Variants in PDE10A observed in about 807,000 individuals in gnomAD.
PDE10A encodes cAMP and cAMP-inhibited cGMP 3',5'-cyclic phosphodiesterase 10A.
PDE10A carries 39 observed loss-of-function variants against 97.7 expected under a neutral mutation model. That is an observed-to-expected ratio of 0.40 (90% CI 0.31 to 0.52). PDE10A has a LOEUF of 0.52. Ranked by LOEUF, PDE10A falls within the 20% of genes least tolerant of loss-of-function variation. The probability of loss-of-function intolerance (pLI) is 0.56; values close to 1 mark genes in which losing one functional copy is unlikely to be tolerated. For missense variants in PDE10A, 731 were observed against 1,047.8 expected (o/e 0.70, Z 4.17); for synonymous variants, 371 against 376.8 (o/e 0.98, Z 0.18).
At chr6:165,690,003 A>C (rs77773347) in intron 1 of PDE10A, among the ~76,000 whole-genome samples, 2,109 of 152,164 alleles carry the variant, frequency 0.014, 27 homozygotes, top group South Asian at 0.052. Context: ...TTAACAAGAC[A>C]TTTTTAATGC....
rs557825884 is a variant in PDE10A, at chr6:165,946,191, T to C, written c.-615+41338A>G. Among the ~76,000 whole-genome samples, 214 of 152,294 alleles carry C rather than the reference T, an allele frequency of 1.4e-3. 1 individual carries two copies. Among genetic ancestry groups the C allele is most frequent in the Non-Finnish European group, 1.7e-3 (114 of 68,028 alleles). ...GAGAGCTATTGCAAAACATAGTGAC[T>C]ATAGTTAATAAGAATATATTGTCGG... On this transcript the variant is annotated intron_variant, in intron 1 of 19. Coordinates refer to the PDE10A transcript ENST00000366882.
At chr6:165,404,329 T>C (rs705782) in intron 13 of PDE10A, among the ~76,000 whole-genome samples, 27,472 of 151,944 alleles carry the variant, frequency 0.18, 2,944 homozygotes, top group African/African-American at 0.29. Flanking sequence ...CCATGCAGGA[T>C]GAGACTTCCC....
chr6:165,924,323 A>G (rs1782857109), intron 1 of PDE10A, among the ~76,000 whole-genome samples: 1 of 152,092 alleles, frequency 6.6e-6, no homozygotes, highest in African/African-American at 2.4e-5. Context: ...CATGGTCTCC[A>G]TGTTGGATAG....
At chr6:165,713,511 C>T (rs995876876) in intron 1 of PDE10A, among the ~76,000 whole-genome samples, 5 of 152,198 alleles carry the variant, frequency 3.3e-5, no homozygotes, top group Non-Finnish European at 7.3e-5. Context: ...GGAACTACCC[C>T]ACAAGATGCT....
chr6:165,547,629 T>C (rs1783803735), intron 1 of PDE10A, among the ~76,000 whole-genome samples: 1 of 152,186 alleles, frequency 6.6e-6, no homozygotes, highest in Non-Finnish European at 1.5e-5. Context: ...GAATTAACTT[T>C]CTTTTCTTGC....
chr6:165,400,906 A>T (rs576056951), intron 13 of PDE10A, among the ~76,000 whole-genome samples: 2 of 152,352 alleles, frequency 1.3e-5, no homozygotes, highest in South Asian at 4.1e-4. Context: ...TTACGTACAC[A>T]ACACCAGCAA....
At chr6:165,914,762 T>C (rs956453222) in intron 1 of PDE10A, among the ~76,000 whole-genome samples, 4 of 152,186 alleles carry the variant, frequency 2.6e-5, no homozygotes, top group African/African-American at 7.2e-5. Flanking sequence ...ATCTCATAAA[T>C]GGTGTCACAC....
At chr6:165,640,998 C>T (rs1789103522) in intron 1 of PDE10A, among the ~76,000 whole-genome samples, 1 of 152,158 alleles carries the variant, frequency 6.6e-6, no homozygotes, top group African/African-American at 2.4e-5. Context: ...AAATCGGTGA[C>T]CTCAGCACTT....
chr6:165,549,256 T>C (rs1232116941), intron 1 of PDE10A, among the ~76,000 whole-genome samples: 2 of 152,216 alleles, frequency 1.3e-5, no homozygotes, highest in African/African-American at 4.8e-5. Flanking sequence ...ACAACAAACA[T>C]ATAAGGTGGG....
intron 1 of PDE10A, among the ~76,000 whole-genome samples, chr6:165,942,240 G>A (rs2128492813): frequency 6.6e-6 from 1 of 152,182 alleles, no homozygotes; most frequent in Non-Finnish European, 1.5e-5. Context: ...TGGGGTAGCA[G>A]GGGAATTAAA....
At chr6:165,417,910 G>A (rs1342903955) in intron 11 of PDE10A, among the ~76,000 whole-genome samples, 1 of 152,216 alleles carries the variant, frequency 6.6e-6, no homozygotes, top group African/African-American at 2.4e-5. Flanking sequence ...TACAGAAGAT[G>A]AGTTAAACGA....
Position 165,413,576 on chromosome 6 carries a change from A to C in PDE10A, c.2001T>G (p.Ser667Arg). The C allele has an allele frequency of 1.2e-6, 2 of 1,614,160 alleles. No individual in the cohort carries two copies. The highest frequency in any genetic ancestry group is 1.7e-6 in the Non-Finnish European group (2 of 1,179,972). ...VVQMVNKISG[S>R]AFSKTDENNF... ...TGTTTTCATCTGTTTTAGAGAAGGC[A>C]CTGCCACTGATTTTGTTGACCATCT... The change falls in exon 13 of 22, where the codon AGT (serine) becomes AGG (arginine). Residue 667 changes from serine to arginine, a missense_variant. Physicochemically the swap from Ser to Arg is moderately radical, Grantham distance 110. Coordinates refer to ENST00000539869, the MANE Select transcript of PDE10A (RefSeq NM_001385079.1).
chr6:165,614,216 G>C (rs1198860783), intron 1 of PDE10A, among the ~76,000 whole-genome samples: 1 of 152,046 alleles, frequency 6.6e-6, no homozygotes, highest in African/African-American at 2.4e-5. Context: ...ATTTCTAACG[G>C]CCAAAGTAAT....
At chr6:165,387,077 T>C (rs527604074) in intron 17 of PDE10A, among the ~76,000 whole-genome samples, 2 of 152,240 alleles carry the variant, frequency 1.3e-5, no homozygotes, top group East Asian at 3.9e-4. Flanking sequence ...TGTAAACATA[T>C]GTCATTTAAA....
intron 3 of PDE10A, among the ~76,000 whole-genome samples, chr6:165,463,057 T>C (rs1188808701): frequency 2.6e-5 from 4 of 152,218 alleles, no homozygotes; most frequent in African/African-American, 9.6e-5. Context: ...TGCACAACGA[T>C]TCCTATGGAA....
intron 5 of PDE10A, among the ~76,000 whole-genome samples, chr6:165,445,461 T>A (rs1348210582): frequency 6.6e-6 from 1 of 152,036 alleles, no homozygotes; most frequent in East Asian, 1.9e-4. Flanking sequence ...CACACGGAGA[T>A]TGAGAGACAG....
chr6:165,826,843 G>C (rs1490246923), intron 1 of PDE10A, among the ~76,000 whole-genome samples: 2 of 151,982 alleles, frequency 1.3e-5, no homozygotes, highest in Non-Finnish European at 2.9e-5. Flanking sequence ...TGGGGACACG[G>C]AGGGACAGGA....
chr6:165,771,693 C>G (rs867286381), intron 1 of PDE10A, among the ~76,000 whole-genome samples: 3 of 134,468 alleles, frequency 2.2e-5, no homozygotes, highest in African/African-American at 8.2e-5. Context: ...AAACAAAAAG[C>G]AAAAATGAAA....
intron 1 of PDE10A, among the ~76,000 whole-genome samples, chr6:165,980,962 T>A (rs1163540907): frequency 6.6e-6 from 1 of 152,120 alleles, no homozygotes; most frequent in Non-Finnish European, 1.5e-5. Context: ...GAGAAACGTT[T>A]GTTCCATCTG....
Sources: allele counts gnomAD v4.1 joint callset (sites outside exome capture counted in the v4.1 genomes callset), GRCh38; gene constraint gnomAD v4.1.1; transcripts MANE v1.5; gene names NCBI Gene and HGNC (gene_info 2026-07-23, HGNC 2026-07-21).